CNOT6L: variants seen among roughly 807,000 people sequenced by gnomAD.
The protein encoded by CNOT6L is CCR4-NOT transcription complex subunit 6 like.
In CNOT6L, 7 loss-of-function variants were observed where a neutral mutation model predicts 64.0. The ratio of observed to expected loss-of-function variants is 0.11; its 90% confidence interval spans 0.06 to 0.21. The LOEUF (loss-of-function observed/expected upper bound fraction) is 0.21, where lower values mean the gene tolerates loss of function less well. Ranked by LOEUF, CNOT6L falls within the 10% of genes least tolerant of loss-of-function variation. The probability of loss-of-function intolerance (pLI) is 1.00; values close to 1 mark genes in which losing one functional copy is unlikely to be tolerated. For synonymous variants in CNOT6L, 193 were observed against 243.4 expected (o/e 0.79, Z 1.93); for missense variants, 245 against 669.0 (o/e 0.37, Z 6.99).
At chr4:77,748,051 C>T (rs1442946093) in intron 6 of CNOT6L, among the ~76,000 whole-genome samples, 4 of 152,076 alleles carry the variant, frequency 2.6e-5, no homozygotes, top group Non-Finnish European at 5.9e-5. Flanking sequence ...CTTAAATCAC[C>T]CAATACTCTC....
intron 1 of CNOT6L, among the ~76,000 whole-genome samples, chr4:77,804,431 A>C (rs1277794019): frequency 6.6e-6 from 1 of 151,034 alleles, no homozygotes; most frequent in Non-Finnish European, 1.5e-5. Context: ...CCCATCTCAA[A>C]AAAAAAAAAA....
At chr4:77,779,353 G>T (rs1728587469) in intron 1 of CNOT6L, among the ~76,000 whole-genome samples, 1 of 151,922 alleles carries the variant, frequency 6.6e-6, no homozygotes, top group Non-Finnish European at 1.5e-5. Context: ...TTGATACAAA[G>T]AAATGGTAAT....
chr4:77,744,983 A>G, intron 6 of CNOT6L, 108 bp from the exon 7 acceptor site: 1 of 747,180 alleles, frequency 1.3e-6, no homozygotes, highest in South Asian at 2.9e-5. Context: ...TACGCCACAT[A>G]TCATCATTGT....
Position 77,716,006 on chromosome 4 carries a change from C to T in CNOT6L, c.*4425G>A, listed in dbSNP as rs1720710740. On this transcript the variant is annotated 3_prime_UTR_variant, in exon 12 of 12. Transcript: ENST00000504123. ...TACAAATTTAAAACTTTAGTTCAAG[C>T]TTCTGGCTTCCCTAGTTAATTTCTC... 1 of 152,444 alleles carries T rather than the reference C, an allele frequency of 6.6e-6. No individual in the cohort carries two copies. The highest frequency in any genetic ancestry group is 2.4e-5 in the African/African-American group (1 of 41,440). The allele number at this position is 152,444 out of a possible 1,614,324, so 9.4% of individuals were successfully genotyped here.
chr4:77,727,994 G>A (rs1352634217), intron 10 of CNOT6L, among the ~76,000 whole-genome samples: 1 of 133,700 alleles, frequency 7.5e-6, no homozygotes. Context: ...GCCTAGCAGT[G>A]ATAATATACA....
intron 4 of CNOT6L, among the ~76,000 whole-genome samples, chr4:77,759,318 C>G (rs1725908474): frequency 6.6e-6 from 1 of 151,686 alleles, no homozygotes; most frequent in Non-Finnish European, 1.5e-5. Context: ...GTAATCCCAG[C>G]AGTTTGGGAG....
chr4:77,813,873 T>C (rs144007021), intron 1 of CNOT6L, among the ~76,000 whole-genome samples: 8 of 152,326 alleles, frequency 5.3e-5, no homozygotes, highest in African/African-American at 1.9e-4. Flanking sequence ...AAGTGGTATA[T>C]GTTCCAGCAA....
At chr4:77,781,242 A>C (rs1424817929) in intron 1 of CNOT6L, among the ~76,000 whole-genome samples, 2 of 152,156 alleles carry the variant, frequency 1.3e-5, no homozygotes, top group Non-Finnish European at 2.9e-5. Flanking sequence ...CAGGGGTTAA[A>C]ACCTAGATGA....
chr4:77,763,184 T>C (rs753187189), intron 4 of CNOT6L, among the ~76,000 whole-genome samples: 8 of 152,076 alleles, frequency 5.3e-5, no homozygotes, highest in Non-Finnish European at 8.8e-5. Context: ...CCAATAATTA[T>C]ATGTAAGGCA....
chr4:77,774,646 A>G lies in CNOT6L; in HGVS notation c.198T>C (p.Asn66=). The G allele has an allele frequency of 1.2e-6, 2 of 1,613,598 alleles. No individual in the cohort carries two copies. The highest frequency in any genetic ancestry group is 1.7e-6 in the Non-Finnish European group (2 of 1,179,692). ...THLTALHLND[N]YLSRIPPDIA... is the part of the protein sequence containing the mutation. ...TATCAGGTGGAATGCGACTAAGGTAATTGTCATTTAGGTGCAGCGCTGTCA... is the reference window on the plus strand; with the variant it reads ...TATCAGGTGGAATGCGACTAAGGTAGTTGTCATTTAGGTGCAGCGCTGTCA... Residue 66 remains asparagine (N), a synonymous_variant, in exon 3 of 12, where the codon AAT becomes AAC. Coordinates refer to ENST00000504123, the MANE Select transcript of CNOT6L (RefSeq NM_144571.3).
At chr4:77,761,436 C>T (rs1353794151) in intron 4 of CNOT6L, among the ~76,000 whole-genome samples, 1 of 152,184 alleles carries the variant, frequency 6.6e-6, no homozygotes, top group Admixed American at 6.5e-5. Flanking sequence ...ATTCCAAGCT[C>T]ATATGGTTTT....
intron 1 of CNOT6L, among the ~76,000 whole-genome samples, chr4:77,801,699 G>GGGT (rs1325700857): frequency 7.9e-6 from 1 of 126,218 alleles, no homozygotes; most frequent in African/African-American, 3.0e-5. Context: ...TTGGGGGGGG[G>GGGT]GGAGAATGAA....
intron 5 of CNOT6L, among the ~76,000 whole-genome samples, chr4:77,750,457 T>C (rs1044392745): frequency 1.3e-5 from 2 of 152,172 alleles, no homozygotes; most frequent in Admixed American, 6.5e-5. Context: ...GTTCACGCCA[T>C]TCTCCTGCCT....
At chr4:77,745,199 A>G (rs1475196563) in intron 6 of CNOT6L, among the ~76,000 whole-genome samples, 1 of 152,230 alleles carries the variant, frequency 6.6e-6, no homozygotes, top group African/African-American at 2.4e-5. Context: ...AATGAGTGGA[A>G]CAAAAGTAAA....
chr4:77,773,519 A>G (rs1201325336), intron 3 of CNOT6L, among the ~76,000 whole-genome samples: 2 of 152,184 alleles, frequency 1.3e-5, no homozygotes, highest in African/African-American at 4.8e-5. Context: ...TAAACAACAG[A>G]TATCCTTGAA....
chr4:77,804,835 TG>T (rs1204787606), intron 1 of CNOT6L, among the ~76,000 whole-genome samples: 45 of 152,134 alleles, frequency 3.0e-4, no homozygotes, highest in East Asian at 1.5e-3. Context: ...TGTTTTCAAA[TG>T]AAAAAAAAGC....
intron 4 of CNOT6L, among the ~76,000 whole-genome samples, chr4:77,760,521 A>T (rs987080952): frequency 6.6e-6 from 1 of 151,822 alleles, no homozygotes; most frequent in Non-Finnish European, 1.5e-5. Flanking sequence ...AAACTCGATA[A>T]GAACAAATGA....
chr4:77,782,641 CTTT>C (rs3048223), intron 1 of CNOT6L, among the ~76,000 whole-genome samples: 75,914 of 141,032 alleles, frequency 0.54, 20,480 homozygotes, highest in Non-Finnish European at 0.56. Flanking sequence ...AGTGCCTAGC[CTTT>C]TTTTTTTTTT....
At position 77,797,041 on chromosome 4, in the gene CNOT6L, C is replaced by T. The variant is rs763425132; in HGVS notation, c.6-20649G>A. 3.1e-4 allele frequency among the ~76,000 whole-genome samples: 41 copies of T among 132,998 alleles called. 1 individual carries two copies. Among genetic ancestry groups the T allele is most frequent in the Non-Finnish European group, 1.2e-4 (8 of 64,614 alleles). 87.3% of individuals were successfully genotyped at this position (132,998 alleles called of 152,430 possible). A position where few individuals can be genotyped will look rare whatever the true frequency, so the allele number is the denominator to read the frequency against. ...CAGGCTGCAGTGAGCCATGATGGTG[C>T]CGCTGCAGTGAGCCGTGATGGTGCC... is the stretch of plus-strand genomic sequence containing the variant. On this transcript the variant is annotated intron_variant, in intron 1 of 11. Coordinates refer to ENST00000504123, the MANE Select transcript of CNOT6L (RefSeq NM_144571.3).
Sources: gnomAD v4.1 joint callset for allele counts (sites outside exome capture counted in the v4.1 genomes callset) on GRCh38, gnomAD v4.1.1 for gene constraint, MANE v1.5 for transcripts, NCBI Gene and HGNC (gene_info 2026-07-23, HGNC 2026-07-21) for gene names.